Variants in COL17A1 observed in about 807,000 individuals in gnomAD.
COL17A1 encodes collagen alpha-1(XVII) chain.
In COL17A1, 181 loss-of-function variants were observed where a neutral mutation model predicts 218.4. That is an observed-to-expected ratio of 0.83 (90% CI 0.73 to 0.94). The LOEUF (loss-of-function observed/expected upper bound fraction) is 0.94. Ranked by LOEUF, COL17A1 falls within the 40% of genes least tolerant of loss-of-function variation. COL17A1 has a pLI of 0.00. For missense variants in COL17A1, 1,924 were observed against 1,945.9 expected, an observed-to-expected ratio of 0.99 and a Z score of 0.21; for synonymous variants, 721 against 731.0, an observed-to-expected ratio of 0.99 and a Z score of 0.22.
intron 29 of COL17A1, 70 bp from the exon 30 acceptor site, chr10:104,048,174 C>T (rs1258994058): frequency 6.4e-7 from 1 of 1,556,244 alleles, no homozygotes; most frequent in Non-Finnish European, 8.9e-7. Context: ...CTCTACTGTC[C>T]CAGTGGCCTT....
At chr10:104,050,317 C>A (rs1388284995) in intron 27 of COL17A1, among the ~76,000 whole-genome samples, 193 bp from the exon 28 acceptor site, 1 of 152,140 alleles carries the variant, frequency 6.6e-6, no homozygotes, top group East Asian at 1.9e-4. Context: ...TCAGTTCCCC[C>A]CCTACAAACT....
intron 4 of COL17A1, among the ~76,000 whole-genome samples, chr10:104,077,056 A>G (rs1213890828): frequency 6.6e-6 from 1 of 152,188 alleles, no homozygotes; most frequent in Non-Finnish European, 1.5e-5. Context: ...AGGCGTGCAC[A>G]TTGTTCTCTA....
Position 104,076,500 on chromosome 10 carries a change from A to C in COL17A1, c.203-71T>G, listed in dbSNP as rs1032381213. ...GTGAACCAAATGGCTACTGTGACCC[A>C]GCTATATTAACCAAGTACACTCAGG... is the stretch of plus-strand genomic sequence containing the variant. On this transcript the variant is annotated intron_variant, in intron 4 of 55. Transcript: ENST00000648076. 10 of 1,605,972 alleles carry C rather than the reference A, an allele frequency of 6.2e-6. No homozygotes were observed. The African/African-American group carries it at 1.3e-4, about 21-fold the overall frequency.
chr10:104,084,928 C>T (rs2086793675), intron 1 of COL17A1, among the ~76,000 whole-genome samples: 1 of 152,196 alleles, frequency 6.6e-6, no homozygotes, highest in African/African-American at 2.4e-5. Flanking sequence ...AGGAATGTGC[C>T]AGAGGTTTTG....
intron 3 of COL17A1, 92 bp from the exon 4 acceptor site, chr10:104,077,618 T>C (rs1027941291): frequency 1.0e-6 from 1 of 998,184 alleles, no homozygotes; most frequent in Non-Finnish European, 1.5e-6. Context: ...TCCCTGGTTT[T>C]TCACCAGGAC....
intron 35 of COL17A1, 138 bp from the exon 36 acceptor site, chr10:104,042,593 C>A: frequency 1.2e-6 from 1 of 833,954 alleles, no homozygotes; most frequent in Admixed American, 2.0e-5. Flanking sequence ...ATAAGCAATT[C>A]GAGATCAGCC....
intron 2 of COL17A1, 81 bp from the exon 3 acceptor site, chr10:104,078,667 C>A: frequency 6.4e-7 from 1 of 1,573,256 alleles, no homozygotes; most frequent in South Asian, 1.1e-5. Context: ...AGCTCTGTCA[C>A]AGGCTAAGCA....
rs567232360 is a variant in COL17A1 at position 104,054,308 on chromosome 10, G to A, written c.1745-190C>T. Among the ~76,000 whole-genome samples, 122 of 152,328 alleles carry A rather than the reference G, an allele frequency of 8.0e-4. 3 individuals carry two copies. In the South Asian group the frequency reaches 0.025, roughly 31 times the overall value. On this transcript the variant is annotated intron_variant, in intron 20 of 55. Coordinates refer to ENST00000648076, the MANE Select transcript of COL17A1 (RefSeq NM_000494.4). Reference sequence around the variant, plus strand: ...TAAGTATGTCCCATGAAATATTTGGGACAAGTTATAGTGAAAAATTATTTG... The same window carrying A: ...TAAGTATGTCCCATGAAATATTTGGAACAAGTTATAGTGAAAAATTATTTG...
chr10:104,075,933 T>C (rs1202258724), intron 5 of COL17A1, among the ~76,000 whole-genome samples: 1 of 152,274 alleles, frequency 6.6e-6, no homozygotes, highest in Admixed American at 6.5e-5. Context: ...ATAATCTCCA[T>C]CTACTTTATA....
At chr10:104,085,627 T>A (rs1589582266) in intron 1 of COL17A1, 96 bp downstream of exon 1, 1 of 152,570 alleles carries the variant, frequency 6.6e-6, no homozygotes, top group Non-Finnish European at 1.5e-5. Flanking sequence ...CAGAACTTCA[T>A]CTTCTTTTCT....
intron 13 of COL17A1, 143 bp from the exon 14 acceptor site, chr10:104,060,423 C>A: frequency 7.8e-7 from 1 of 1,277,498 alleles, no homozygotes; most frequent in South Asian, 1.3e-5. Flanking sequence ...CTTGTTCTTG[C>A]TGACAGTGGT....
At chr10:104,070,370 T>G in intron 9 of COL17A1, 56 bp downstream of exon 9, 2 of 1,610,232 alleles carry the variant, frequency 1.2e-6, no homozygotes, top group South Asian at 1.1e-5. Flanking sequence ...CTCTTTGGGT[T>G]TGGATGGGTA....
chr10:104,062,800 A>G (rs754416735), intron 11 of COL17A1, among the ~76,000 whole-genome samples: 14 of 151,824 alleles, frequency 9.2e-5, no homozygotes, highest in Non-Finnish European at 1.8e-4. Context: ...AAACACATAA[A>G]ACTCCCCCAC....
intron 20 of COL17A1, among the ~76,000 whole-genome samples, chr10:104,054,754 C>T (rs1336679269): frequency 6.6e-6 from 1 of 152,116 alleles, no homozygotes; most frequent in Non-Finnish European, 1.5e-5. Context: ...TTTGGAGATT[C>T]CTGTGCACAG....
At chr10:104,067,866 A>T (rs2086639996) in intron 9 of COL17A1, among the ~76,000 whole-genome samples, 2 of 152,156 alleles carry the variant, frequency 1.3e-5, no homozygotes, top group Non-Finnish European at 2.9e-5. Context: ...AAAAGAAAAT[A>T]AGCGAAAGAG....
intron 55 of COL17A1, 91 bp downstream of exon 55, chr10:104,032,583 G>C (rs1254961125): frequency 1.5e-6 from 2 of 1,375,796 alleles, no homozygotes; most frequent in Admixed American, 3.4e-5. Flanking sequence ...AATTTCTCAG[G>C]CTTGCTCTGG....
Position 104,081,677 on chromosome 10 carries a change from T to C in COL17A1, c.-11-993A>G, listed in dbSNP as rs367680313. On this transcript the variant is annotated intron_variant, in intron 1 of 55. Coordinates refer to ENST00000648076, the MANE Select transcript of COL17A1 (RefSeq NM_000494.4). Reference sequence around the variant, plus strand: ...TTTTTTGGTTGTAGTTGGAACTGGGTTCTAGAATGCTGAGGCACACTGCTT... The same window carrying C: ...TTTTTTGGTTGTAGTTGGAACTGGGCTCTAGAATGCTGAGGCACACTGCTT... Among the ~76,000 whole-genome samples, 7 of 152,230 alleles carry C rather than the reference T, an allele frequency of 4.6e-5. No homozygotes were observed. In the East Asian group the frequency reaches 5.8e-4, roughly 13 times the overall value.
At chr10:104,070,637 G>A (rs2134645747) in intron 8 of COL17A1, 68 bp from the exon 9 acceptor site, 1 of 1,612,648 alleles carries the variant, frequency 6.2e-7, no homozygotes, top group African/African-American at 1.3e-5. Flanking sequence ...TGCAACTGGG[G>A]GGAACATTTG....
In COL17A1 at chr10:104,055,847, T is replaced by G. The variant is rs1176650044; in HGVS notation, c.1622A>C (p.His541Pro). The G allele has an allele frequency of 1.2e-6, 2 of 1,614,238 alleles. No homozygotes were observed. The highest frequency in any genetic ancestry group is 1.7e-6 in the Non-Finnish European group (2 of 1,180,044). Residue 541 changes from histidine (H) to proline (P), a missense_variant, in exon 18 of 56, where the codon CAC becomes CCC. Physicochemically the swap from His to Pro is moderately conservative, Grantham distance 77 (BLOSUM62 -2). Coordinates refer to ENST00000648076, the MANE Select transcript of COL17A1 (RefSeq NM_000494.4). ...AGADLDKIGLHSDSQEELWMF... is the reference protein window; with the variant it reads ...AGADLDKIGLPSDSQEELWMF... ...CCAGAGCTCCTCCTGGCTGTCACTG[T>G]GCAGCCCAATTTTGTCCAGGTCTGC...
Sources: gnomAD v4.1 joint callset for allele counts (sites outside exome capture counted in the v4.1 genomes callset) on GRCh38, gnomAD v4.1.1 for gene constraint, MANE v1.5 for transcripts, NCBI Gene and HGNC (gene_info 2026-07-23, HGNC 2026-07-21) for gene names.